The following CIMIP6 variants were observed in gnomAD, a reference collection of about 807,000 sequenced individuals.
CIMIP6 encodes ciliary microtubule inner protein 6.
At chr2:54,379,155 T>C in the CIMIP6 span, among the ~76,000 whole-genome samples, 1 of 152,194 alleles carries the variant, frequency 6.6e-6, no homozygotes, top group Non-Finnish European at 1.5e-5. Context: ...TACAAGGAAA[T>C]TACACTGATT....
the CIMIP6 span, among the ~76,000 whole-genome samples, chr2:54,348,661 T>A: frequency 6.6e-6 from 1 of 152,188 alleles, no homozygotes; most frequent in Non-Finnish European, 1.5e-5. Flanking sequence ...AATATTTTAA[T>A]GTAACATTTA....
chr2:54,340,160 G>A, the CIMIP6 span, among the ~76,000 whole-genome samples: 1 of 74,116 alleles, frequency 1.3e-5, no homozygotes, highest in African/African-American at 4.6e-5. Context: ...GACTGGTAGG[G>A]ATAACTCCTC....
At chr2:54,349,849 C>CTT in the CIMIP6 span, among the ~76,000 whole-genome samples, 125 of 137,936 alleles carry the variant, frequency 9.1e-4, 1 homozygote, top group African/African-American at 2.7e-3. Flanking sequence ...AAAAAGAAAT[C>CTT]TTTTTTTTTT....
the CIMIP6 span, chr2:54,335,003 CA>C: frequency 2.5e-6 from 4 of 1,598,316 alleles, no homozygotes; most frequent in Admixed American, 5.2e-5. Flanking sequence ...ACATAGATCC[CA>C]AAAAAGGGCC....
At chr2:54,337,719 G>A in the CIMIP6 span, among the ~76,000 whole-genome samples, 1 of 152,200 alleles carries the variant, frequency 6.6e-6, no homozygotes, top group African/African-American at 2.4e-5. Context: ...CTATCATCAA[G>A]ACTAGGTGAC....
At chr2:54,350,335 G>T in the CIMIP6 span, among the ~76,000 whole-genome samples, 705 of 152,296 alleles carry the variant, frequency 4.6e-3, 8 homozygotes, top group African/African-American at 0.016. Flanking sequence ...TCAATGTTCT[G>T]CAATCTTGGC....
At chr2:54,335,655 G>C in the CIMIP6 span, among the ~76,000 whole-genome samples, 1 of 152,046 alleles carries the variant, frequency 6.6e-6, no homozygotes, top group Non-Finnish European at 1.5e-5. Context: ...GGTTTGTTGC[G>C]GTACAATTTA....
chr2:54,352,522 A>T, the CIMIP6 span, among the ~76,000 whole-genome samples: 2 of 152,294 alleles, frequency 1.3e-5, no homozygotes, highest in Admixed American at 1.3e-4. Context: ...GCTAATTAAG[A>T]TGTTTATTAC....
chr2:54,357,431 CAA>C, the CIMIP6 span, among the ~76,000 whole-genome samples: 1 of 152,074 alleles, frequency 6.6e-6, no homozygotes, highest in Non-Finnish European at 1.5e-5. Flanking sequence ...TCAAATGGTA[CAA>C]AAAGATATAC....
the CIMIP6 span, among the ~76,000 whole-genome samples, chr2:54,354,411 T>C: frequency 1.3e-5 from 2 of 152,250 alleles, no homozygotes; most frequent in South Asian, 2.1e-4. Flanking sequence ...TGACATTATA[T>C]ATTAATTTAG....
At chr2:54,342,427 G>C in the CIMIP6 span, among the ~76,000 whole-genome samples, 1 of 152,036 alleles carries the variant, frequency 6.6e-6, no homozygotes, top group African/African-American at 2.4e-5. Context: ...TTTGACAATT[G>C]TATAAATTAT....
chr2:54,330,914 T>G, the CIMIP6 span: 2 of 1,552,436 alleles, frequency 1.3e-6, no homozygotes, highest in South Asian at 1.1e-5. Flanking sequence ...ACCCTTTTCC[T>G]GGCAGGGCTG....
the CIMIP6 span, chr2:54,360,206 C>CA: frequency 6.4e-7 from 1 of 1,562,764 alleles, no homozygotes; most frequent in Admixed American, 2.0e-5. Context: ...TTTCCAGAGA[C>CA]ACGGAGCTTT....
At chr2:54,377,324 C>T in the CIMIP6 span, among the ~76,000 whole-genome samples, 1 of 152,088 alleles carries the variant, frequency 6.6e-6, no homozygotes, top group Non-Finnish European at 1.5e-5. Context: ...CAGTGTATAG[C>T]ACCATTATAT....
At chr2:54,343,972 A>C in the CIMIP6 span, 1 of 1,111,254 alleles carries the variant, frequency 9.0e-7, no homozygotes, top group Non-Finnish European at 1.2e-6. Context: ...GAAAATAATT[A>C]CTTCTCTATG....
chr2:54,335,205 C>T, the CIMIP6 span, among the ~76,000 whole-genome samples: 70 of 152,216 alleles, frequency 4.6e-4, 1 homozygote, highest in African/African-American at 1.5e-3. Flanking sequence ...ATAAACAATA[C>T]GGATACAGGG....
the CIMIP6 span, among the ~76,000 whole-genome samples, chr2:54,373,017 C>G: frequency 6.6e-6 from 1 of 152,094 alleles, no homozygotes; most frequent in Non-Finnish European, 1.5e-5. Context: ...AGTTCAGGAC[C>G]TTACCACTCC....
At chr2:54,381,890 T>G in the CIMIP6 span, 2 of 1,550,628 alleles carry the variant, frequency 1.3e-6, no homozygotes, top group Non-Finnish European at 1.7e-6. Flanking sequence ...AGTGGTCCTG[T>G]GCCACAGTGC....
the CIMIP6 span, among the ~76,000 whole-genome samples, chr2:54,371,990 A>G: frequency 1.4e-4 from 21 of 152,232 alleles, no homozygotes; most frequent in African/African-American, 5.1e-4. Flanking sequence ...AATAAATGAG[A>G]TAGTACATGT....
Sources: gnomAD v4.1 joint callset for allele counts (sites outside exome capture counted in the v4.1 genomes callset) on GRCh38, gnomAD v4.1.1 for gene constraint, MANE v1.5 for transcripts, NCBI Gene and HGNC (gene_info 2026-07-23, HGNC 2026-07-21) for gene names.